FMNL2: variants seen among roughly 807,000 people sequenced by gnomAD.
FMNL2 encodes the protein formin-like protein 2.
FMNL2 carries 51 observed loss-of-function variants against 130.2 expected under a neutral mutation model. The ratio of observed to expected loss-of-function variants is 0.39; its 90% CI spans 0.31 to 0.49. FMNL2 has a LOEUF of 0.49. FMNL2 is among the 20% of genes least tolerant of loss of function. The probability of loss-of-function intolerance (pLI) is 0.85; values close to 1 mark genes in which losing one functional copy is unlikely to be tolerated. For missense variants in FMNL2, 977 were observed against 1,316.2 expected (o/e 0.74, Z 3.99); for synonymous variants, 465 against 467.1 (o/e 1.00, Z 0.06).
chr2:152,416,096 T>C (rs1686595659), intron 1 of FMNL2, among the ~76,000 whole-genome samples: 1 of 150,854 alleles, frequency 6.6e-6, no homozygotes, highest in Admixed American at 6.6e-5. Flanking sequence ...CTTTTCAGGA[T>C]TGCAAAACTA....
chr2:152,411,116 A>C (rs1472807658), intron 1 of FMNL2, among the ~76,000 whole-genome samples: 1 of 152,196 alleles, frequency 6.6e-6, no homozygotes, highest in Non-Finnish European at 1.5e-5. Flanking sequence ...AAACATATGA[A>C]GCCATTGGTT....
chr2:152,523,276 G>A (rs369220477), intron 2 of FMNL2, among the ~76,000 whole-genome samples: 7 of 152,084 alleles, frequency 4.6e-5, no homozygotes, highest in African/African-American at 1.7e-4. Context: ...TCATGGAACT[G>A]GTCATTGTTT....
chr2:152,635,943 A>C (rs1051953100), intron 21 of FMNL2, among the ~76,000 whole-genome samples: 4 of 152,230 alleles, frequency 2.6e-5, no homozygotes, highest in African/African-American at 9.6e-5. Flanking sequence ...GCAGTGAGCT[A>C]TGATGGAACC....
chr2:152,477,797 A>C (rs1690238636), intron 1 of FMNL2, among the ~76,000 whole-genome samples: 1 of 152,208 alleles, frequency 6.6e-6, no homozygotes, highest in African/African-American at 2.4e-5. Flanking sequence ...ATGGTCTGAC[A>C]TGGTTCCAGT....
chr2:152,562,144 A>G (rs1405034159), intron 6 of FMNL2, among the ~76,000 whole-genome samples: 1 of 152,238 alleles, frequency 6.6e-6, no homozygotes, highest in Admixed American at 6.5e-5. Context: ...GATATCATCT[A>G]GAACAAGTTT....
intron 6 of FMNL2, among the ~76,000 whole-genome samples, chr2:152,572,734 C>A (rs1235686544): frequency 6.6e-6 from 1 of 151,874 alleles, no homozygotes; most frequent in African/African-American, 2.4e-5. Flanking sequence ...CAAAGTGAGA[C>A]CCTTGTCTCC....
At chr2:152,405,485 C>A (rs891349242) in intron 1 of FMNL2, among the ~76,000 whole-genome samples, 1 of 152,212 alleles carries the variant, frequency 6.6e-6, no homozygotes, top group Admixed American at 6.5e-5. Flanking sequence ...AACCCCAAAG[C>A]AAGCATAGCT....
intron 4 of FMNL2, among the ~76,000 whole-genome samples, chr2:152,554,637 C>T (rs577417286): frequency 6.6e-6 from 1 of 152,316 alleles, no homozygotes; most frequent in South Asian, 2.1e-4. Flanking sequence ...AGCTGTCAAA[C>T]TGACGGTGGT....
intron 1 of FMNL2, among the ~76,000 whole-genome samples, chr2:152,339,486 A>G (rs996727747): frequency 6.6e-6 from 1 of 152,234 alleles, no homozygotes; most frequent in African/African-American, 2.4e-5. Context: ...CACTGTTTAC[A>G]ACTTAAAAGG....
At chr2:152,430,876 A>AAT (rs569231077) in intron 1 of FMNL2, among the ~76,000 whole-genome samples, 15,415 of 150,486 alleles carry the variant, frequency 0.1, 872 homozygotes, top group Non-Finnish European at 0.12. Context: ...TGGTCTCGAA[A>AAT]ATATATATAT....
intron 25 of FMNL2, chr2:152,645,579 G>A: frequency 8.7e-7 from 1 of 1,155,716 alleles, no homozygotes; most frequent in South Asian, 1.3e-5. Context: ...GCAGATCAAT[G>A]GTTTTCAATC....
chr2:152,605,253 T>C (rs918025064), intron 9 of FMNL2, among the ~76,000 whole-genome samples: 2 of 152,098 alleles, frequency 1.3e-5, no homozygotes, highest in Non-Finnish European at 2.9e-5. Context: ...CCTGGGCCAA[T>C]TGAATCAGAC....
At chr2:152,387,180 A>AG (rs11438121) in intron 1 of FMNL2, among the ~76,000 whole-genome samples, 144,282 of 152,276 alleles carry the variant, frequency 0.95, 68,517 homozygotes, top group East Asian at 1. Flanking sequence ...CCAAAGCCCA[A>AG]CTGTTATCTA....
At chr2:152,643,951 T>C (rs1466184829) in intron 25 of FMNL2, 1 of 926,096 alleles carries the variant, frequency 1.1e-6, no homozygotes, top group Non-Finnish European at 1.3e-6. Flanking sequence ...GTGTTCAGGT[T>C]GGATGCAGTG....
At chr2:152,560,782 TA>T (rs1428517389) in intron 5 of FMNL2, 100 bp from the exon 6 acceptor site, 20 of 1,065,796 alleles carry the variant, frequency 1.9e-5, no homozygotes, top group Non-Finnish European at 5.1e-6. Context: ...CTTTCCATAC[TA>T]AGGTGCAGAT....
chr2:152,395,183 G>C (rs960633638), intron 1 of FMNL2, among the ~76,000 whole-genome samples: 8 of 152,218 alleles, frequency 5.3e-5, no homozygotes, highest in Admixed American at 2.6e-4. Flanking sequence ...GCTCCGGTCA[G>C]CCCGTATTTC....
intron 1 of FMNL2, among the ~76,000 whole-genome samples, chr2:152,379,058 C>T (rs1014043065): frequency 7.0e-6 from 1 of 142,070 alleles, no homozygotes; most frequent in Non-Finnish European, 1.5e-5. Context: ...TTTCTGATGA[C>T]TGTACTGTGT....
At chr2:152,416,354 T>C (rs1404935166) in intron 1 of FMNL2, among the ~76,000 whole-genome samples, 1 of 152,228 alleles carries the variant, frequency 6.6e-6, no homozygotes, top group Non-Finnish European at 1.5e-5. Flanking sequence ...TGTTCACTTC[T>C]TTTATCAAAG....
chr2:152,600,225 C>T (rs1468227955), intron 9 of FMNL2, among the ~76,000 whole-genome samples: 1 of 152,152 alleles, frequency 6.6e-6, no homozygotes, highest in Non-Finnish European at 1.5e-5. Flanking sequence ...AAAACGGTGC[C>T]TTCCTGCAGG....
Sources: allele counts gnomAD v4.1 joint callset (sites outside exome capture counted in the v4.1 genomes callset), GRCh38; gene constraint gnomAD v4.1.1; transcripts MANE v1.5; gene names NCBI Gene and HGNC (gene_info 2026-07-23, HGNC 2026-07-21).